The following KATNAL2 variants were observed in gnomAD, a reference collection of about 807,000 sequenced individuals.
The protein encoded by KATNAL2 is katanin catalytic subunit A1 like 2.
Under a neutral mutation model 76.3 loss-of-function variants are expected in KATNAL2, and 52 were observed. That is an observed-to-expected ratio of 0.68 (90% CI 0.55 to 0.86). The LOEUF (loss-of-function observed/expected upper bound fraction) is 0.86, where lower values mean the gene tolerates loss of function less well. Ranked by LOEUF, KATNAL2 falls within the 40% of genes least tolerant of loss-of-function variation. The pLI, the probability that KATNAL2 is intolerant of heterozygous loss-of-function variation, is 0.00. For missense variants in KATNAL2, 660 were observed against 668.9 expected, an observed-to-expected ratio of 0.99 and a Z score of 0.15; for synonymous variants, 243 against 244.2, an observed-to-expected ratio of 1.00 and a Z score of 0.05.
intron 3 of KATNAL2, chr18:47,033,850 G>A (rs750264205): frequency 1.9e-6 from 3 of 1,614,086 alleles, no homozygotes; most frequent in East Asian, 2.2e-5. Flanking sequence ...ATCGTAGTTG[G>A]CCTGCATCCA....
chr18:46,927,326 T>G lies in KATNAL2; in HGVS notation c.-510+9400T>G, dbSNP rs1266658784. ...ATCTGCTTGTCTGTAAAGTATTTTA[T>G]TTCTCCTTCACTTATGATGCTTAGT... On this transcript the variant is annotated intron_variant, in intron 1 of 17. Transcript: ENST00000683218. 3.3e-5 allele frequency among the ~76,000 whole-genome samples: 5 copies of G among 152,292 alleles called. 1 individual carries two copies. The highest frequency in any genetic ancestry group is 1.2e-4 in the African/African-American group (5 of 41,562).
intron 7 of KATNAL2, 95 bp from the exon 8 acceptor site, chr18:47,059,461 C>G (rs184104366): frequency 2.4e-6 from 2 of 821,550 alleles, no homozygotes; most frequent in Admixed American, 1.8e-5. Flanking sequence ...GAATTGCTAT[C>G]CAGCATCGGA....
At chr18:46,957,138 C>T (rs2059774719) in intron 3 of KATNAL2, among the ~76,000 whole-genome samples, 1 of 150,674 alleles carries the variant, frequency 6.6e-6, no homozygotes, top group Admixed American at 6.6e-5. Context: ...CTTGACTGTG[C>T]TTTGGGGTGC....
chr18:47,068,705 A>G (rs1177063596), intron 11 of KATNAL2, among the ~76,000 whole-genome samples: 2 of 152,224 alleles, frequency 1.3e-5, no homozygotes, highest in African/African-American at 2.4e-5. Context: ...CCTGAAGGCT[A>G]CGCATGTCCT....
intron 1 of KATNAL2, among the ~76,000 whole-genome samples, chr18:46,927,417 C>T (rs2058762700): frequency 6.6e-6 from 1 of 152,164 alleles, no homozygotes. Flanking sequence ...TTGGTCCCCA[C>T]TCTCTTCTGG....
intron 3 of KATNAL2, among the ~76,000 whole-genome samples, chr18:47,025,115 C>G (rs1599527211): frequency 3.9e-5 from 4 of 103,146 alleles, no homozygotes; most frequent in Admixed American, 1.1e-4. Flanking sequence ...CCACCCCGCC[C>G]CCAACGGTGG....
chr18:47,094,352 C>T (rs1368270251), intron 15 of KATNAL2, among the ~76,000 whole-genome samples: 1 of 152,170 alleles, frequency 6.6e-6, no homozygotes, highest in Non-Finnish European at 1.5e-5. Flanking sequence ...TGGACTAAGA[C>T]ACTCTTCTTG....
intron 13 of KATNAL2, among the ~76,000 whole-genome samples, chr18:47,074,187 TTC>T (rs2062106636): frequency 6.6e-6 from 1 of 152,208 alleles, no homozygotes; most frequent in Non-Finnish European, 1.5e-5. Context: ...GTTCTCTCAG[TTC>T]ATTAAACTCA....
chr18:47,037,975 G>A (rs2146992393), intron 3 of KATNAL2, among the ~76,000 whole-genome samples: 1 of 152,060 alleles, frequency 6.6e-6, no homozygotes, highest in African/African-American at 2.4e-5. Flanking sequence ...GTGAGCCACA[G>A]TGCCCGACCA....
chr18:46,947,314 A>G lies in KATNAL2; in HGVS notation c.51+391A>G, dbSNP rs118189636. ...CATTGACCTGGGAGTTAGTTAGAAT[A>G]TTGGCTTCTGATCCTGATTTGCCAT... On this transcript the variant is annotated intron_variant, in intron 3 of 17. Coordinates refer to ENST00000683218, the MANE Select transcript of KATNAL2 (RefSeq NM_001387690.1). Among the ~76,000 whole-genome samples the G allele has an allele frequency of 1.7e-3, 263 of 152,264 alleles. 1 individual carries two copies. Among genetic ancestry groups the G allele is most frequent in the Non-Finnish European group, 2.8e-3 (191 of 68,026 alleles).
intron 1 of KATNAL2, among the ~76,000 whole-genome samples, chr18:46,931,688 GAGGA>G (rs1313825050): frequency 6.7e-6 from 1 of 149,676 alleles, no homozygotes; most frequent in African/African-American, 2.5e-5. Flanking sequence ...AAGAAAGAAA[GAGGA>G]AGGAAGGAAG....
chr18:47,098,656 G>A (rs1010356040), intron 15 of KATNAL2: 1 of 154,962 alleles, frequency 6.5e-6, no homozygotes, highest in Non-Finnish European at 1.4e-5. Context: ...GTTTTGGGAG[G>A]AGTAAAAGTG....
In KATNAL2 at chr18:47,100,285, A is replaced by T; in HGVS notation, c.1406A>T (p.Lys469Met). Residue 469 changes from lysine to methionine, a missense_variant, in exon 17 of 18, where the codon AAG becomes ATG. Transcript: ENST00000683218. Reference sequence around the variant, plus strand: ...GAGGGCTACTCAGGCTCAGATATTAAGCTCGTCTGCAGGGAAGCAGCCATG... The same window carrying T: ...GAGGGCTACTCAGGCTCAGATATTATGCTCGTCTGCAGGGAAGCAGCCATG... Reference protein sequence around the residue: ...ETEGYSGSDIKLVCREAAMRP... With the variant: ...ETEGYSGSDIMLVCREAAMRP... 1 of 1,614,134 alleles carries T rather than the reference A, an allele frequency of 6.2e-7. No homozygotes were observed. The highest frequency in any genetic ancestry group is 8.5e-7 in the Non-Finnish European group (1 of 1,179,984).
intron 15 of KATNAL2, among the ~76,000 whole-genome samples, chr18:47,078,855 A>C (rs967576336): frequency 1.3e-5 from 2 of 152,254 alleles, no homozygotes; most frequent in Non-Finnish European, 2.9e-5. Flanking sequence ...GAATAAGCTT[A>C]TAAGGGCTTT....
At chr18:46,931,892 C>CT (rs1296082081) in intron 1 of KATNAL2, among the ~76,000 whole-genome samples, 4 of 150,506 alleles carry the variant, frequency 2.7e-5, no homozygotes, top group South Asian at 2.1e-4. Flanking sequence ...CAAGAATTTT[C>CT]TTTTTTTTTC....
intron 1 of KATNAL2, among the ~76,000 whole-genome samples, chr18:46,923,316 T>C (rs2058631264): frequency 6.7e-6 from 1 of 148,366 alleles, no homozygotes; most frequent in South Asian, 2.2e-4. Context: ...TGAGAACATG[T>C]GGTGTTTGGT....
chr18:47,087,840 G>C (rs2062841205), intron 15 of KATNAL2, among the ~76,000 whole-genome samples: 1 of 151,714 alleles, frequency 6.6e-6, no homozygotes. Context: ...AGTGATATTT[G>C]TTCTATGGCC....
chr18:46,936,474 A>G (rs2059095399), intron 1 of KATNAL2, among the ~76,000 whole-genome samples: 1 of 152,136 alleles, frequency 6.6e-6, no homozygotes, highest in Non-Finnish European at 1.5e-5. Flanking sequence ...GCATGGTGGT[A>G]TGCACCTGTA....
At chr18:46,954,625 G>C (rs2059670060) in intron 3 of KATNAL2, among the ~76,000 whole-genome samples, 1 of 151,746 alleles carries the variant, frequency 6.6e-6, no homozygotes, top group Non-Finnish European at 1.5e-5. Context: ...CCCCGCGCCT[G>C]GCATCTTCTT....
Sources: gnomAD v4.1 joint callset for allele counts (sites outside exome capture counted in the v4.1 genomes callset) on GRCh38, gnomAD v4.1.1 for gene constraint, MANE v1.5 for transcripts, NCBI Gene and HGNC (gene_info 2026-07-23, HGNC 2026-07-21) for gene names.